The following RNGTT variants were observed in gnomAD, a reference collection of about 807,000 sequenced individuals.
RNGTT encodes mRNA-capping enzyme.
In RNGTT, 33 loss-of-function variants were observed where a neutral mutation model predicts 79.3. The observed-to-expected ratio is 0.42, with a 90% CI of 0.32 to 0.56. The LOEUF (loss-of-function observed/expected upper bound fraction) is 0.56. Ranked by LOEUF, RNGTT falls within the 20% of genes least tolerant of loss-of-function variation. RNGTT has a pLI of 0.17. For synonymous variants in RNGTT, 222 were observed against 235.9 expected (o/e 0.94, Z 0.54); for missense variants, 497 against 739.1 (o/e 0.67, Z 3.80).
intron 13 of RNGTT, among the ~76,000 whole-genome samples, chr6:88,685,693 G>T (rs965951182): frequency 5.3e-5 from 8 of 151,950 alleles, no homozygotes; most frequent in Admixed American, 3.9e-4. Flanking sequence ...AGGATGGGGG[G>T]AAAGACTGTA....
At chr6:88,616,890 T>C (rs1050360795) in intron 14 of RNGTT, among the ~76,000 whole-genome samples, 6 of 152,248 alleles carry the variant, frequency 3.9e-5, no homozygotes, top group Non-Finnish European at 8.8e-5. Flanking sequence ...GTTTTTAACT[T>C]TGATGTAGTC....
chr6:88,701,486 T>C (rs1238494414), intron 13 of RNGTT, among the ~76,000 whole-genome samples: 3 of 152,170 alleles, frequency 2.0e-5, no homozygotes, highest in East Asian at 1.9e-4. Flanking sequence ...TTAGTAAGCA[T>C]ATGTTTCTGT....
intron 2 of RNGTT, among the ~76,000 whole-genome samples, chr6:88,937,191 A>G (rs1784692514): frequency 3.3e-5 from 5 of 152,076 alleles, no homozygotes; most frequent in Admixed American, 3.3e-4. Context: ...TAAAAAATAC[A>G]AAAAATTAGC....
intron 14 of RNGTT, among the ~76,000 whole-genome samples, chr6:88,616,021 T>C (rs377492383): frequency 1.9e-3 from 284 of 152,310 alleles, no homozygotes; most frequent in African/African-American, 6.5e-3. Context: ...ACCCAGACCT[T>C]GATAACTGCC....
intron 6 of RNGTT, among the ~76,000 whole-genome samples, chr6:88,901,269 T>A (rs1783447938): frequency 6.6e-6 from 1 of 151,700 alleles, no homozygotes; most frequent in Non-Finnish European, 1.5e-5. Context: ...TAAAACAAAT[T>A]AGGAAAAAAA....
intron 11 of RNGTT, among the ~76,000 whole-genome samples, chr6:88,824,928 A>G (rs759274638): frequency 3.2e-4 from 48 of 151,900 alleles, no homozygotes; most frequent in Non-Finnish European, 6.2e-4. Flanking sequence ...TTTTTAGTAA[A>G]GACGGGGTTT....
At chr6:88,667,266 AC>A (rs1416546873) in intron 14 of RNGTT, among the ~76,000 whole-genome samples, 2 of 152,204 alleles carry the variant, frequency 1.3e-5, no homozygotes, top group Non-Finnish European at 2.9e-5. Flanking sequence ...TGGTTACCAG[AC>A]AGAAGAGTAG....
At chr6:88,930,380 G>A (rs1582144387) in intron 2 of RNGTT, among the ~76,000 whole-genome samples, 1 of 151,768 alleles carries the variant, frequency 6.6e-6, no homozygotes, top group East Asian at 1.9e-4. Context: ...TGGTAGTACG[G>A]GAAATTTGGC....
At chr6:88,953,471 T>C (rs1172486625) in intron 1 of RNGTT, among the ~76,000 whole-genome samples, 1 of 152,136 alleles carries the variant, frequency 6.6e-6, no homozygotes, top group Admixed American at 6.5e-5. Flanking sequence ...AAATGTGGGA[T>C]TATGTTAAAC....
At chr6:88,825,064 CAT>C (rs1780614735) in intron 11 of RNGTT, among the ~76,000 whole-genome samples, 2 of 152,012 alleles carry the variant, frequency 1.3e-5, no homozygotes, top group Admixed American at 6.6e-5. Context: ...TTCTAAAAAA[CAT>C]GTAAGTAAAA....
intron 14 of RNGTT, among the ~76,000 whole-genome samples, chr6:88,667,548 C>A (rs568939865): frequency 3.3e-5 from 5 of 152,130 alleles, no homozygotes; most frequent in East Asian, 3.9e-4. Flanking sequence ...GTGGAGGTAA[C>A]AAGTATCTGC....
Position 88,907,735 on chromosome 6 carries a change from C to CTT in RNGTT, c.368-1297_368-1296dup, listed in dbSNP as rs34378893. ...GGATATCCTAATATTTAAGCTGTAT[C>CTT]TTTTTTTTTTTTTTTTTTTTTAGAG... is the stretch of plus-strand genomic sequence containing the variant. On this transcript the variant is annotated intron_variant, in intron 4 of 15. Coordinates refer to ENST00000369485, the MANE Select transcript of RNGTT (RefSeq NM_003800.5). Among the ~76,000 whole-genome samples, 363 of 125,402 alleles carry CTT rather than the reference C, an allele frequency of 2.9e-3. 3 individuals are homozygous for CTT. Among genetic ancestry groups the CTT allele is most frequent in the Non-Finnish European group, 4.4e-3 (261 of 58,864 alleles). The allele number at this position is 125,402 out of a possible 152,430, so 82.3% of individuals were successfully genotyped here.
intron 14 of RNGTT, among the ~76,000 whole-genome samples, chr6:88,670,754 GC>G (rs149097850): frequency 0.012 from 1,787 of 152,208 alleles, 31 homozygotes; most frequent in African/African-American, 0.04. Context: ...CAGTCATGTA[GC>G]CCCCACTTGC....
chr6:88,802,124 CA>C (rs927450842), intron 11 of RNGTT, among the ~76,000 whole-genome samples: 2 of 152,090 alleles, frequency 1.3e-5, no homozygotes, highest in Admixed American at 6.6e-5. Context: ...CTAGCTCAAA[CA>C]TGAAGATTAT....
intron 12 of RNGTT, among the ~76,000 whole-genome samples, chr6:88,781,116 A>C (rs946934079): frequency 1.2e-4 from 19 of 152,314 alleles, no homozygotes; most frequent in African/African-American, 4.3e-4. Flanking sequence ...GATGTAAATG[A>C]AGCTAGCATT....
chr6:88,755,959 C>CAAAAAAAAAAAAAAAAAAAAAAAAAAA (rs1157096180), intron 13 of RNGTT, among the ~76,000 whole-genome samples: 2 of 30,500 alleles, frequency 6.6e-5, no homozygotes, highest in African/African-American at 1.0e-4. Context: ...GACTCCGTCT[C>CAAAAAAAAAAAAAAAAAAAAAAAAAAA]AAAAAAAAAA....
intron 14 of RNGTT, among the ~76,000 whole-genome samples, chr6:88,626,198 G>T (rs905799521): frequency 6.6e-6 from 1 of 151,986 alleles, no homozygotes; most frequent in African/African-American, 2.4e-5. Context: ...ATCTGTACAA[G>T]AGTCCAGTGA....
At chr6:88,820,151 G>A (rs9353620) in intron 11 of RNGTT, among the ~76,000 whole-genome samples, 20,020 of 151,934 alleles carry the variant, frequency 0.13, 1,473 homozygotes, top group Middle Eastern at 0.23. Context: ...AAACCTATAG[G>A]CTCCTACCAA....
At chr6:88,641,470 G>C (rs1239342763) in intron 14 of RNGTT, among the ~76,000 whole-genome samples, 2 of 152,090 alleles carry the variant, frequency 1.3e-5, no homozygotes, top group Non-Finnish European at 2.9e-5. Flanking sequence ...TAAATCTGCA[G>C]AATGACTTAA....
Sources: allele counts gnomAD v4.1 joint callset (sites outside exome capture counted in the v4.1 genomes callset), GRCh38; gene constraint gnomAD v4.1.1; transcripts MANE v1.5; gene names NCBI Gene and HGNC (gene_info 2026-07-23, HGNC 2026-07-21).